ANO10: variants seen among roughly 807,000 people sequenced by gnomAD.
ANO10 encodes the protein anoctamin-10.
Under a neutral mutation model 74.7 loss-of-function variants are expected in ANO10, and 77 were observed. The ratio of observed to expected loss-of-function variants is 1.03; its 90% confidence interval spans 0.86 to 1.25. The LOEUF is 1.25. ANO10 is among the 50% of genes most tolerant of loss of function. The probability of loss-of-function intolerance (pLI) is 0.00; values close to 1 mark genes in which losing one functional copy is unlikely to be tolerated. For synonymous variants in ANO10, 279 were observed against 284.9 expected (o/e 0.98, Z 0.21); for missense variants, 721 against 778.1 (o/e 0.93, Z 0.87).
At chr3:43,569,038 T>C (rs1248675593) in intron 7 of ANO10, among the ~76,000 whole-genome samples, 1 of 134,212 alleles carries the variant, frequency 7.5e-6, no homozygotes, top group Non-Finnish European at 1.6e-5. Flanking sequence ...CAAACTACCA[T>C]CAGAGAATAC....
In ANO10 at chr3:43,605,857, G is replaced by A; in HGVS notation, c.-5C>T. On this transcript the variant is annotated 5_prime_UTR_variant, in exon 2 of 13. Coordinates refer to ENST00000292246, the MANE Select transcript of ANO10 (RefSeq NM_018075.5). Reference sequence around the variant, plus strand: ...AGCTGATAAGGTCACTTTCATCTTTGACAAATCTGCGGAAAATTAAAATAA... The same window carrying A: ...AGCTGATAAGGTCACTTTCATCTTTAACAAATCTGCGGAAAATTAAAATAA... 2.5e-6 allele frequency: 4 copies of A among 1,613,186 alleles called. No individual in the cohort carries two copies. Among genetic ancestry groups the A allele is most frequent in the Non-Finnish European group, 3.4e-6 (4 of 1,179,562 alleles).
chr3:43,377,719 C>G (rs1325412635), intron 12 of ANO10, among the ~76,000 whole-genome samples: 1 of 152,112 alleles, frequency 6.6e-6, no homozygotes, highest in East Asian at 1.9e-4. Flanking sequence ...CAGTGGACAC[C>G]AAGCACAAGT....
chr3:43,528,882 C>T (rs2078329159), intron 11 of ANO10, among the ~76,000 whole-genome samples: 1 of 152,122 alleles, frequency 6.6e-6, no homozygotes, highest in African/African-American at 2.4e-5. Flanking sequence ...ACTGCTTCAG[C>T]CCTGAAGGTG....
At chr3:43,691,057 G>A in intron 1 of ANO10, 1 of 1,537,964 alleles carries the variant, frequency 6.5e-7, no homozygotes, top group Non-Finnish European at 8.8e-7. Flanking sequence ...CAGCCGGCAG[G>A]GGGCTTCGTG....
chr3:43,542,149 T>C (rs1180120652), intron 11 of ANO10, among the ~76,000 whole-genome samples: 1 of 152,112 alleles, frequency 6.6e-6, no homozygotes, highest in Non-Finnish European at 1.5e-5. Flanking sequence ...AATAAGGGAA[T>C]TGTATGGTGT....
At chr3:43,649,252 CTTCCATAA>C (rs2083759943) in intron 1 of ANO10, among the ~76,000 whole-genome samples, 1 of 152,192 alleles carries the variant, frequency 6.6e-6, no homozygotes, top group South Asian at 2.1e-4. Context: ...TGACTTTACT[CTTCCATAA>C]AATGGGGTTA....
chr3:43,504,618 A>G (rs2077226212), intron 11 of ANO10, among the ~76,000 whole-genome samples: 1 of 152,134 alleles, frequency 6.6e-6, no homozygotes, highest in South Asian at 2.1e-4. Flanking sequence ...TCAACAAAAT[A>G]TCAGAGAAAT....
chr3:43,504,631 C>G (rs2077226961), intron 11 of ANO10, among the ~76,000 whole-genome samples: 2 of 151,922 alleles, frequency 1.3e-5, no homozygotes, highest in South Asian at 4.2e-4. Flanking sequence ...AGAGAAATGA[C>G]AGAAATAATT....
chr3:43,539,569 A>G (rs553533603), intron 11 of ANO10, among the ~76,000 whole-genome samples: 1 of 152,332 alleles, frequency 6.6e-6, no homozygotes, highest in East Asian at 1.9e-4. Flanking sequence ...AGTAGGAGAC[A>G]GCAGAGGGAG....
chr3:43,517,865 T>G (rs936666223), intron 11 of ANO10, among the ~76,000 whole-genome samples: 2 of 152,198 alleles, frequency 1.3e-5, no homozygotes, highest in Admixed American at 1.3e-4. Context: ...AGCATCAAAC[T>G]GCCTTAGGAG....
rs2080917872 is a variant in ANO10, at chr3:43,574,801, G to A, written c.1218+8C>T. On this transcript the variant is annotated splice_region_variant and intron_variant, in intron 7 of 12. Transcript: ENST00000292246. ...TAAAATGGATTTGTACATAAACGCT[G>A]TACTTACCACTAAAACTTTCAGAAT... 6.2e-7 allele frequency: 1 copy of A among 1,610,832 alleles called. No individual in the cohort carries two copies.
At chr3:43,600,804 T>C (rs1409143555) in intron 2 of ANO10, among the ~76,000 whole-genome samples, 1 of 152,160 alleles carries the variant, frequency 6.6e-6, no homozygotes, top group Non-Finnish European at 1.5e-5. Context: ...CTAAGTAGCC[T>C]GCCACTTATT....
chr3:43,607,170 A>G (rs547381135), intron 1 of ANO10, among the ~76,000 whole-genome samples: 1 of 152,138 alleles, frequency 6.6e-6, no homozygotes, highest in Non-Finnish European at 1.5e-5. Context: ...TTGGATAAAG[A>G]ATATGTGACC....
chr3:43,437,733 A>T (rs2148955990), intron 11 of ANO10, among the ~76,000 whole-genome samples: 1 of 152,272 alleles, frequency 6.6e-6, no homozygotes, highest in Middle Eastern at 3.4e-3. Flanking sequence ...ACCAGAAAAG[A>T]TTTGAGAGAC....
intron 11 of ANO10, among the ~76,000 whole-genome samples, chr3:43,511,723 T>C (rs138583547): frequency 4.3e-4 from 65 of 152,324 alleles, no homozygotes; most frequent in African/African-American, 1.5e-3. Flanking sequence ...GAACATGACC[T>C]GTAAGCTTCT....
chr3:43,566,805 C>G (rs948426710), intron 7 of ANO10, among the ~76,000 whole-genome samples: 1 of 152,236 alleles, frequency 6.6e-6, no homozygotes, highest in Non-Finnish European at 1.5e-5. Context: ...GAACGCAGTT[C>G]CTCAGCAACG....
intron 11 of ANO10, among the ~76,000 whole-genome samples, chr3:43,487,181 T>C (rs2076527450): frequency 6.6e-6 from 1 of 150,962 alleles, no homozygotes; most frequent in South Asian, 2.1e-4. Flanking sequence ...ATAAGCTTTT[T>C]GATGTGCTGC....
At chr3:43,567,202 T>A (rs201798593) in intron 7 of ANO10, among the ~76,000 whole-genome samples, 94 of 148,696 alleles carry the variant, frequency 6.3e-4, no homozygotes, top group East Asian at 3.5e-3. Flanking sequence ...CAAATCTACA[T>A]CTGATTGGTG....
chr3:43,647,102 G>A (rs1264172033), intron 1 of ANO10, among the ~76,000 whole-genome samples: 1 of 151,514 alleles, frequency 6.6e-6, no homozygotes, highest in Admixed American at 6.6e-5. Flanking sequence ...AAGACTGGAT[G>A]TATTAGTGTG....
Sources: gnomAD v4.1 joint callset for allele counts (sites outside exome capture counted in the v4.1 genomes callset) on GRCh38, gnomAD v4.1.1 for gene constraint, MANE v1.5 for transcripts, NCBI Gene and HGNC (gene_info 2026-07-23, HGNC 2026-07-21) for gene names.